The following DYNC1I2 variants were observed in gnomAD, a reference collection of about 807,000 sequenced individuals.
DYNC1I2 encodes cytoplasmic dynein 1 intermediate chain 2.
A neutral mutation model predicts 88.6 loss-of-function variants in DYNC1I2; 53 were observed. That is an observed-to-expected ratio of 0.60 (90% confidence interval 0.48 to 0.75). DYNC1I2 has a LOEUF of 0.75. Among genes scored for constraint, DYNC1I2 ranks in the 30% least tolerant of loss-of-function variants. The pLI is 0.00. For synonymous variants in DYNC1I2, 198 were observed against 254.6 expected (o/e 0.78, Z 2.12); for missense variants, 458 against 766.6 (o/e 0.60, Z 4.75).
chr2:171,747,635 A>G (rs1006604027), intron 17 of DYNC1I2, 141 bp from the exon 18 acceptor site: 1 of 591,632 alleles, frequency 1.7e-6, no homozygotes, highest in Admixed American at 3.1e-5. Context: ...AATCATTGTT[A>G]TAGTCCCCGT....
At chr2:171,724,079 A>G (rs1688079716) in intron 7 of DYNC1I2, among the ~76,000 whole-genome samples, 1 of 152,198 alleles carries the variant, frequency 6.6e-6, no homozygotes. Context: ...CACTCGTGCC[A>G]TTTATCCTAG....
At chr2:171,730,200 A>C (rs908093033) in intron 15 of DYNC1I2, among the ~76,000 whole-genome samples, 1 of 152,180 alleles carries the variant, frequency 6.6e-6, no homozygotes, top group South Asian at 2.1e-4. Flanking sequence ...AAAGCTATGC[A>C]TTTGCTCTTT....
chr2:171,712,707 T>C, intron 5 of DYNC1I2, 60 bp from the exon 6 acceptor site: 2 of 1,210,262 alleles, frequency 1.7e-6, no homozygotes, highest in Non-Finnish European at 2.4e-6. Flanking sequence ...AGAATGTATT[T>C]GCTTGACTAA....
intron 15 of DYNC1I2, 97 bp from the exon 16 acceptor site, chr2:171,743,952 C>T (rs973274920): frequency 3.7e-6 from 4 of 1,090,088 alleles, no homozygotes; most frequent in Admixed American, 6.9e-5. Flanking sequence ...TGTTATCATA[C>T]CTGTTGAATG....
intron 7 of DYNC1I2, among the ~76,000 whole-genome samples, chr2:171,716,066 A>G (rs1305071711): frequency 6.6e-6 from 1 of 152,172 alleles, no homozygotes; most frequent in African/African-American, 2.4e-5. Context: ...AGCATAAAGT[A>G]CTACGATCTC....
intron 14 of DYNC1I2, 100 bp from the exon 15 acceptor site, chr2:171,729,609 A>C: frequency 2.4e-6 from 3 of 1,266,416 alleles, no homozygotes; most frequent in African/African-American, 3.0e-5. Context: ...AGTCTGTCAA[A>C]ATGAAGTCAA....
chr2:171,733,473 T>TC (rs2105730073), intron 15 of DYNC1I2, among the ~76,000 whole-genome samples: 1 of 143,894 alleles, frequency 6.9e-6, no homozygotes, highest in East Asian at 2.0e-4. Flanking sequence ...TTTTTTTTTT[T>TC]TTTTTTTTTT....
intron 7 of DYNC1I2, among the ~76,000 whole-genome samples, chr2:171,725,239 A>G (rs917903155): frequency 6.6e-6 from 1 of 152,206 alleles, no homozygotes; most frequent in Non-Finnish European, 1.5e-5. Flanking sequence ...ATATAAAACT[A>G]TGCAGGAGTT....
Position 171,728,372 on chromosome 2 carries a change from A to G in DYNC1I2, c.1211A>G (p.Asp404Gly). ...NAHNLISIST[D>G]GKICSWSLDM... ...CACAATCTGATTAGCATCTCTACTG[A>G]TGGAAAAATTTGTTCATGGAGTCTG... Residue 404 changes from aspartate (D) to glycine (G), a missense_variant, in exon 13 of 18, where the codon GAT (aspartate) becomes GGT (glycine). Asp to Gly is a moderately conservative substitution (Grantham distance 94). This residue lies in a region of DYNC1I2 where 188 missense variants were observed against 300.4 expected (regional missense o/e 0.63). Transcript: ENST00000397119. 1 of 1,607,328 alleles carries G rather than the reference A, an allele frequency of 6.2e-7. No homozygotes were observed. The highest frequency in any genetic ancestry group is 8.5e-7 in the Non-Finnish European group (1 of 1,177,586).
intron 7 of DYNC1I2, among the ~76,000 whole-genome samples, chr2:171,721,396 A>G (rs536912831): frequency 1.0e-3 from 152 of 152,280 alleles, no homozygotes; most frequent in African/African-American, 3.6e-3. Flanking sequence ...GTCCCAATGA[A>G]GATTCTCTTT....
chr2:171,693,919 T>A (rs1314529340), intron 3 of DYNC1I2, among the ~76,000 whole-genome samples: 1 of 152,312 alleles, frequency 6.6e-6, no homozygotes, highest in Middle Eastern at 3.4e-3. Context: ...TTGTTAGCCT[T>A]TGTTTGAGTT....
At chr2:171,721,521 A>G (rs1329692091) in intron 7 of DYNC1I2, among the ~76,000 whole-genome samples, 2 of 152,226 alleles carry the variant, frequency 1.3e-5, no homozygotes, top group African/African-American at 4.8e-5. Context: ...TTTTTTGAAA[A>G]TATTAAAGGA....
chr2:171,734,888 G>A (rs1688899801), intron 15 of DYNC1I2, among the ~76,000 whole-genome samples: 1 of 152,166 alleles, frequency 6.6e-6, no homozygotes, highest in Non-Finnish European at 1.5e-5. Context: ...ATAATGAATG[G>A]TAAAGAATAA....
Position 171,744,132 on chromosome 2 carries a change from T to C in DYNC1I2, c.1620T>C (p.Phe540=). 1 of 1,613,592 alleles carries C rather than the reference T, an allele frequency of 6.2e-7. No individual in the cohort carries two copies. Among genetic ancestry groups the C allele is most frequent in the Non-Finnish European group, 8.5e-7 (1 of 1,179,692 alleles). ...GGTCACCTACCCACCCAGCCCTGTT[T>C]GCCTGTGTGGATGGCATGGGGAGAT... is the stretch of plus-strand genomic sequence containing the variant. The part of the protein sequence containing the change: ...VMWSPTHPAL[F]ACVDGMGRLD... Residue 540 remains phenylalanine (F), a synonymous_variant, in exon 16 of 18, where the codon TTT becomes TTC. Coordinates refer to ENST00000397119, the MANE Select transcript of DYNC1I2 (RefSeq NM_001378.3).
At chr2:171,697,459 A>G (rs1404506362) in intron 3 of DYNC1I2, among the ~76,000 whole-genome samples, 1 of 152,162 alleles carries the variant, frequency 6.6e-6, no homozygotes, top group Non-Finnish European at 1.5e-5. Flanking sequence ...TCTCACATTT[A>G]GCTTTTATCC....
chr2:171,747,346 G>A (rs1689867113), intron 17 of DYNC1I2, among the ~76,000 whole-genome samples: 1 of 151,572 alleles, frequency 6.6e-6, no homozygotes, highest in African/African-American at 2.4e-5. Flanking sequence ...TATCAAGAAA[G>A]ATTACCTTAT....
At chr2:171,742,647 G>C (rs1206836265) in intron 15 of DYNC1I2, among the ~76,000 whole-genome samples, 2 of 152,106 alleles carry the variant, frequency 1.3e-5, no homozygotes, top group Non-Finnish European at 2.9e-5. Flanking sequence ...TTTTAGGAGG[G>C]AGGGAATGGG....
chr2:171,692,657 G>GT, intron 2 of DYNC1I2, 120 bp from the exon 3 acceptor site: 1 of 621,238 alleles, frequency 1.6e-6, no homozygotes, highest in Non-Finnish European at 2.8e-6. Flanking sequence ...AACTTAACCT[G>GT]TACTCAAAAC....
At chr2:171,709,642 G>A (rs543897632) in intron 5 of DYNC1I2, among the ~76,000 whole-genome samples, 1 of 152,314 alleles carries the variant, frequency 6.6e-6, no homozygotes, top group African/African-American at 2.4e-5. Context: ...GTTCTTGTTA[G>A]ATAATGAATA....
Sources: allele counts gnomAD v4.1 joint callset (sites outside exome capture counted in the v4.1 genomes callset), GRCh38; gene constraint gnomAD v4.1.1; regional missense constraint gnomAD v4.1.1; transcripts MANE v1.5; gene names NCBI Gene and HGNC (gene_info 2026-07-23, HGNC 2026-07-21).